Variants in RNF217 observed in about 807,000 individuals in gnomAD.
RNF217 encodes the protein E3 ubiquitin-protein ligase RNF217.
A neutral mutation model predicts 57.8 loss-of-function variants in RNF217; 31 were observed. The observed-to-expected ratio is 0.54, with a 90% CI of 0.40 to 0.72. RNF217 has a LOEUF of 0.72. RNF217 is among the 30% of genes least tolerant of loss of function. The pLI is 0.00. For missense variants in RNF217, 696 were observed against 708.3 expected (o/e 0.98, Z 0.20); for synonymous variants, 313 against 294.0 (o/e 1.06, Z -0.66).
chr6:124,999,380 G>T (rs1393355072), intron 1 of RNF217, among the ~76,000 whole-genome samples: 3 of 151,994 alleles, frequency 2.0e-5, no homozygotes, highest in Non-Finnish European at 4.4e-5. Flanking sequence ...TTTCTGTCTT[G>T]TGAATTCCTG....
chr6:125,060,356 T>TATAC (rs1787682879), intron 3 of RNF217, among the ~76,000 whole-genome samples: 1 of 150,128 alleles, frequency 6.7e-6, no homozygotes, highest in Non-Finnish European at 1.5e-5. Flanking sequence ...TATATGTGTA[T>TATAC]ACACACACAC....
At chr6:125,045,114 T>C (rs1266144239) in intron 1 of RNF217, 97 bp from the exon 2 acceptor site, 1 of 717,736 alleles carries the variant, frequency 1.4e-6, no homozygotes, top group Non-Finnish European at 2.4e-6. Context: ...AATCCTTTAT[T>C]GCGGTCATGA....
chr6:125,069,910 G>A (rs1415074737), intron 3 of RNF217, among the ~76,000 whole-genome samples: 2 of 151,946 alleles, frequency 1.3e-5, no homozygotes, highest in East Asian at 3.9e-4. Context: ...GGTTACATGG[G>A]TAAATTCTTT....
At chr6:125,069,130 T>C (rs1250566249) in intron 3 of RNF217, among the ~76,000 whole-genome samples, 1 of 152,194 alleles carries the variant, frequency 6.6e-6, no homozygotes, top group Non-Finnish European at 1.5e-5. Context: ...CTTGTCATTA[T>C]AAATTAATCA....
At chr6:125,040,267 C>T (rs9375385) in intron 1 of RNF217, among the ~76,000 whole-genome samples, 61,404 of 151,876 alleles carry the variant, frequency 0.4, 13,492 homozygotes, top group South Asian at 0.58. Context: ...GATATCACCA[C>T]GGATCCCACA....
intron 4 of RNF217, among the ~76,000 whole-genome samples, chr6:125,080,594 A>G (rs1392340051): frequency 6.6e-6 from 1 of 152,002 alleles, no homozygotes. Context: ...GCTGTGTCAC[A>G]TGCCGTAAGG....
chr6:125,047,270 G>A (rs1436297287), intron 2 of RNF217, among the ~76,000 whole-genome samples: 1 of 152,000 alleles, frequency 6.6e-6, no homozygotes, highest in Non-Finnish European at 1.5e-5. Context: ...ACTTTTAAAT[G>A]TGTTGTTTTT....
chr6:125,015,803 G>C (rs1051972164), intron 1 of RNF217, among the ~76,000 whole-genome samples: 3 of 151,944 alleles, frequency 2.0e-5, no homozygotes, highest in African/African-American at 7.3e-5. Flanking sequence ...ATTCATTGCT[G>C]TACTATTTCT....
intron 1 of RNF217, among the ~76,000 whole-genome samples, chr6:124,973,140 T>G (rs1391748979): frequency 1.3e-5 from 2 of 152,206 alleles, no homozygotes; most frequent in Non-Finnish European, 2.9e-5. Context: ...TATTTCATTT[T>G]CTTGTTTAAA....
intron 3 of RNF217, among the ~76,000 whole-genome samples, chr6:125,060,678 C>G (rs569747164): frequency 1.3e-5 from 2 of 152,172 alleles, no homozygotes; most frequent in East Asian, 3.9e-4. Flanking sequence ...CTCCTGACCT[C>G]AAGTGGTCCA....
chr6:125,020,261 G>GT, intron 1 of RNF217, among the ~76,000 whole-genome samples: 1 of 152,344 alleles, frequency 6.6e-6, no homozygotes, highest in South Asian at 2.1e-4. Flanking sequence ...GCAGGGCAGG[G>GT]TCCTGGTGTT....
intron 1 of RNF217, 45 bp downstream of exon 1, chr6:124,963,471 TG>T (rs1783391719): frequency 7.0e-7 from 1 of 1,432,640 alleles, no homozygotes; most frequent in Non-Finnish European, 9.1e-7. Context: ...TCCAAATCAC[TG>T]GCGAGGAGGT....
chr6:125,008,955 A>G (rs1360489648), intron 1 of RNF217: 1 of 227,320 alleles, frequency 4.4e-6, no homozygotes, highest in Non-Finnish European at 8.5e-6. Context: ...TGACAGTAGC[A>G]TTGTTATCAT....
At chr6:124,979,753 A>C (rs1023920178) in intron 1 of RNF217, among the ~76,000 whole-genome samples, 1 of 152,244 alleles carries the variant, frequency 6.6e-6, no homozygotes, top group Admixed American at 6.5e-5. Flanking sequence ...TAACATGACA[A>C]TTAGTGCTTT....
intron 3 of RNF217, among the ~76,000 whole-genome samples, chr6:125,069,217 G>A (rs986462539): frequency 6.6e-6 from 1 of 152,202 alleles, no homozygotes; most frequent in South Asian, 2.1e-4. Flanking sequence ...ATTGCTATCA[G>A]AGTGTTGGCC....
rs1482281181 is a variant in RNF217 at position 125,090,932 on chromosome 6, GA to G, written c.*7996del. The G allele has an allele frequency of 1.3e-5, 2 of 151,958 alleles. No individual in the cohort carries two copies. The highest frequency in any genetic ancestry group is 3.8e-4 in the East Asian group (2 of 5,196). 9.4% of individuals were successfully genotyped at this position (151,958 alleles called of 1,614,324 possible). ...CATTCTGATTATATTTTATGAAAGA[GA>G]GGGGTAGAGTAAATTTTTTAATTAG... On this transcript the variant is annotated 3_prime_UTR_variant, in exon 6 of 6. Coordinates refer to ENST00000521654, the MANE Select transcript of RNF217 (RefSeq NM_001286398.3).
chr6:125,039,433 C>G (rs1049997317), intron 1 of RNF217, among the ~76,000 whole-genome samples: 2 of 152,078 alleles, frequency 1.3e-5, no homozygotes, highest in Non-Finnish European at 2.9e-5. Context: ...AATACAGGAG[C>G]ACCCAGATTC....
intron 1 of RNF217, chr6:124,983,614 C>G (rs941940189): frequency 2.3e-6 from 1 of 438,972 alleles, no homozygotes; most frequent in Admixed American, 6.4e-5. Flanking sequence ...AGATACCTAA[C>G]GATGTTTTCA....
In RNF217 at chr6:125,029,581, G is replaced by A. The variant is rs1319028666; in HGVS notation, c.883-15630G>A. Among the ~76,000 whole-genome samples, 20 of 152,298 alleles carry A rather than the reference G, an allele frequency of 1.3e-4. 1 individual carries two copies. In the South Asian group the frequency reaches 3.9e-3, roughly 30 times the overall value. On this transcript the variant is annotated intron_variant, in intron 1 of 5. Coordinates refer to ENST00000521654, the MANE Select transcript of RNF217 (RefSeq NM_001286398.3). ...TCTGTTAAAGAACTATGTTAACTTG[G>A]TTTAACATCTAAGAAGGCATTGATA...
Sources: gnomAD v4.1 joint callset for allele counts (sites outside exome capture counted in the v4.1 genomes callset) on GRCh38, gnomAD v4.1.1 for gene constraint, MANE v1.5 for transcripts, NCBI Gene and HGNC (gene_info 2026-07-23, HGNC 2026-07-21) for gene names.